The following CFAP46 variants were observed in gnomAD, a reference collection of about 807,000 sequenced individuals.
The protein encoded by CFAP46 is cilia and flagella associated protein 46.
CFAP46 carries 245 observed loss-of-function variants against 325.7 expected under a neutral mutation model. That is an observed-to-expected ratio of 0.75 (90% CI 0.68 to 0.84). The LOEUF (loss-of-function observed/expected upper bound fraction) is 0.84, where lower values mean the gene tolerates loss of function less well. Ranked by LOEUF, CFAP46 falls within the 40% of genes least tolerant of loss-of-function variation. The pLI, the probability that CFAP46 is intolerant of heterozygous loss-of-function variation, is 0.00. For synonymous variants in CFAP46, 1,523 were observed against 1,495.9 expected, an observed-to-expected ratio of 1.02 and a Z score of -0.42; for missense variants, 3,346 against 3,543.0, an observed-to-expected ratio of 0.94 and a Z score of 1.41.
intron 56 of CFAP46, 83 bp downstream of exon 56, chr10:132,810,867 T>TC: frequency 1.5e-6 from 2 of 1,301,280 alleles, no homozygotes; most frequent in South Asian, 2.5e-5. Context: ...CCCAGGTCCC[T>TC]CCTCCCTTGT....
Position 132,832,392 on chromosome 10 carries a change from C to CCG in CFAP46, c.7117+965_7117+966insCG, listed in dbSNP as rs1554876269. 5.1e-5 allele frequency among the ~76,000 whole-genome samples: 7 copies of CCG among 138,372 alleles called. No individual in the cohort carries two copies. The highest frequency in any genetic ancestry group is 1.6e-4 in the African/African-American group (6 of 36,948). The allele number at this position is 138,372 out of a possible 152,430, so 90.8% of individuals were successfully genotyped here. On this transcript the variant is annotated intron_variant, in intron 50 of 57. Coordinates refer to ENST00000368586, the MANE Select transcript of CFAP46 (RefSeq NM_001200049.3). This position sits in a 1 kb window ranked among gnomAD's most constrained non-coding sequence, Gnocchi z 4.1. Reference sequence around the variant, plus strand: ...GGAGACCCCTGGGCTCTTCCTGCCCCCCCCCCCCAATGCTGTGGCCTGGAA... The same window carrying CCG: ...GGAGACCCCTGGGCTCTTCCTGCCCCCGCCCCCCCCAATGCTGTGGCCTGGAA...
intron 11 of CFAP46, among the ~76,000 whole-genome samples, chr10:132,923,862 T>C (rs775768787): frequency 2.6e-5 from 4 of 152,128 alleles, no homozygotes; most frequent in Non-Finnish European, 5.9e-5. Context: ...CAGAGAAATC[T>C]TCCATTCCTC....
chr10:132,892,420 A>C lies in CFAP46; in HGVS notation c.3220-3T>G. 1 of 1,550,540 alleles carries C rather than the reference A, an allele frequency of 6.4e-7. No individual in the cohort carries two copies. On this transcript the variant is annotated splice_region_variant and splice_polypyrimidine_tract_variant and intron_variant, in intron 24 of 57. Coordinates refer to ENST00000368586, the MANE Select transcript of CFAP46 (RefSeq NM_001200049.3). The stretch of plus-strand genomic sequence containing the variant: ...AGAAGCAGCGTCTTTCCTTTCTCCT[A>C]AAGTAACGCAAGTAAACGACACGTA...
chr10:132,858,964 G>A (rs1235458532), intron 38 of CFAP46, 107 bp downstream of exon 38: 13 of 1,191,976 alleles, frequency 1.1e-5, no homozygotes, highest in African/African-American at 6.1e-5. Context: ...TGGACCCCGC[G>A]GGGGTGCAGC....
Position 132,836,917 on chromosome 10 carries a change from G to A in CFAP46, c.6439-3C>T. On this transcript the variant is annotated splice_region_variant and splice_polypyrimidine_tract_variant and intron_variant, in intron 44 of 57. Transcript: ENST00000368586. ...GTGACGCAGAGATTTTGCCAAGCCT[G>A]TGTGGCGAAAAACGGCCATCAGGGG... 1 of 1,613,302 alleles carries A rather than the reference G, an allele frequency of 6.2e-7. No homozygotes were observed.
At chr10:132,846,498 G>C (rs183695152) in intron 43 of CFAP46, among the ~76,000 whole-genome samples, 1 of 151,680 alleles carries the variant, frequency 6.6e-6, no homozygotes, top group Non-Finnish European at 1.5e-5. Context: ...ATCCTCTGTG[G>C]GACCTCTGTG....
At chr10:132,887,927 C>CTCTTTCCCCTCT (rs1276678948) in intron 25 of CFAP46, among the ~76,000 whole-genome samples, 1 of 61,916 alleles carries the variant, frequency 1.6e-5, no homozygotes, top group Non-Finnish European at 2.8e-5. Flanking sequence ...TCTCTCCTCT[C>CTCTTTCCCCTCT]CTCTCTCCTC....
chr10:132,906,814 A>C (rs902569370), intron 22 of CFAP46, among the ~76,000 whole-genome samples: 127 of 94,000 alleles, frequency 1.4e-3, no homozygotes, highest in East Asian at 2.8e-3. Flanking sequence ...ATCCTGGGCA[A>C]TGAGAAGAGT....
intron 32 of CFAP46, among the ~76,000 whole-genome samples, chr10:132,870,121 G>T (rs1848875820): frequency 6.6e-6 from 1 of 152,190 alleles, no homozygotes; most frequent in African/African-American, 2.4e-5. Context: ...TCTGTGTTCA[G>T]TGATCTTTGC....
chr10:132,826,952 C>T (rs528098746), intron 50 of CFAP46, among the ~76,000 whole-genome samples: 2 of 152,264 alleles, frequency 1.3e-5, no homozygotes, highest in South Asian at 4.2e-4. Flanking sequence ...GAGTGGCTCT[C>T]GGGTGGGTGC....
rs1387903260 is a variant in CFAP46 at position 132,857,669 on chromosome 10, A to G, written c.5495T>C (p.Leu1832Ser). 15 of 1,613,032 alleles carry G rather than the reference A, an allele frequency of 9.3e-6. No homozygotes were observed. Among genetic ancestry groups the G allele is most frequent in the Non-Finnish European group, 1.3e-5 (15 of 1,179,602 alleles). ...CATGGCGCCCTGGGCCAGGCCATAT[A>G]AGCCCTGGATGCTGTGAAGCCTCCC... ...EEGRLHSIQG[L>S]YGLAQGAMAE... The change falls in exon 39 of 58, where the codon TTA becomes TCA. Residue 1832 changes from leucine to serine, a missense_variant. By Grantham distance (145) the Leu-to-Ser change is moderately radical. Coordinates refer to ENST00000368586, the MANE Select transcript of CFAP46 (RefSeq NM_001200049.3).
In CFAP46 at chr10:132,939,194, C is replaced by CTGTG. The variant is rs1351552972; in HGVS notation, c.372-445_372-442dup. On this transcript the variant is annotated intron_variant, in intron 4 of 57. Coordinates refer to ENST00000368586, the MANE Select transcript of CFAP46 (RefSeq NM_001200049.3). The surrounding 1 kb of genome is among the most constrained non-coding windows in gnomAD (Gnocchi z 4.6). ...CTTCCTGGAGGAGGTTACATGCCTG[C>CTGTG]TGTGACCTGAAAGATGTCAGGAGGC... Among the ~76,000 whole-genome samples the CTGTG allele has an allele frequency of 2.0e-5, 3 of 152,180 alleles. No individual in the cohort carries two copies. The highest frequency in any genetic ancestry group is 4.4e-5 in the Non-Finnish European group (3 of 68,032).
intron 44 of CFAP46, among the ~76,000 whole-genome samples, chr10:132,837,341 G>A (rs1388508652): frequency 6.6e-6 from 1 of 152,014 alleles, no homozygotes; most frequent in Non-Finnish European, 1.5e-5. Context: ...ACACACACGC[G>A]TGCACAGACA....
intron 50 of CFAP46, among the ~76,000 whole-genome samples, chr10:132,821,815 T>C (rs1458930189): frequency 7.0e-6 from 1 of 143,296 alleles, no homozygotes; most frequent in African/African-American, 2.7e-5. Context: ...TGAGTGCTGA[T>C]GTGTGCTGTC....
Position 132,899,021 on chromosome 10 carries a change from T to G in CFAP46, c.3157A>C (p.Lys1053Gln), listed in dbSNP as rs1234355428. 1 of 1,550,602 alleles carries G rather than the reference T, an allele frequency of 6.4e-7. No homozygotes were observed. The highest frequency in any genetic ancestry group is 2.4e-5 in the East Asian group (1 of 40,918). ...AGCCTCTTCAGGGCACCCTTGGCCT[T>G]CTTCCTGTAGACGGCTGAGGACAGC... ...PLLSSAVYRK[K>Q]AKGALKRLIG... Residue 1053 changes from lysine (K) to glutamine (Q), a missense_variant, in exon 24 of 58, where the codon AAG (lysine) becomes CAG (glutamine). By Grantham distance (53) the Lys-to-Gln change is moderately conservative. Coordinates refer to ENST00000368586, the MANE Select transcript of CFAP46 (RefSeq NM_001200049.3).
intron 22 of CFAP46, among the ~76,000 whole-genome samples, chr10:132,904,512 T>C (rs1849430196): frequency 6.6e-6 from 1 of 152,278 alleles, no homozygotes; most frequent in Non-Finnish European, 1.5e-5. Flanking sequence ...ACTTCTCCTT[T>C]TCCCTGTCAC....
chr10:132,835,269 C>T, intron 47 of CFAP46, 35 bp downstream of exon 47: 1 of 1,607,560 alleles, frequency 6.2e-7, no homozygotes, highest in Non-Finnish European at 8.5e-7. Flanking sequence ...AGCAGAGGGT[C>T]CCGGCTGGGT....
At chr10:132,894,584 CA>C (rs140875977) in intron 24 of CFAP46, among the ~76,000 whole-genome samples, 7,765 of 142,866 alleles carry the variant, frequency 0.054, 219 homozygotes, top group African/African-American at 0.065. Flanking sequence ...AGCTAACTGA[CA>C]AAAAAAAAAG....
intron 22 of CFAP46, 59 bp from the exon 23 acceptor site, chr10:132,899,725 C>G: frequency 2.0e-6 from 3 of 1,508,478 alleles, no homozygotes. Flanking sequence ...GGTCCTCCCT[C>G]CCTGGGTCAC....
Sources: allele counts gnomAD v4.1 joint callset (sites outside exome capture counted in the v4.1 genomes callset), GRCh38; gene constraint gnomAD v4.1.1; non-coding constraint Gnocchi (gnomAD v3.1); transcripts MANE v1.5; gene names NCBI Gene and HGNC (gene_info 2026-07-23, HGNC 2026-07-21).